Variants in RASGRP3 observed in about 807,000 individuals in gnomAD.
RASGRP3 encodes RAS guanyl releasing protein 3, also known as ras guanyl-releasing protein 3.
In RASGRP3, 54 loss-of-function variants were observed where a neutral mutation model predicts 82.7. The ratio of observed to expected loss-of-function variants is 0.65; its 90% CI spans 0.52 to 0.82. The LOEUF is 0.82. RASGRP3 is among the 40% of genes least tolerant of loss of function. RASGRP3 has a pLI of 0.00. For missense variants in RASGRP3, 861 were observed against 828.9 expected, an observed-to-expected ratio of 1.04 and a Z score of -0.48; for synonymous variants, 309 against 300.5, an observed-to-expected ratio of 1.03 and a Z score of -0.29.
intron 11 of RASGRP3, among the ~76,000 whole-genome samples, chr2:33,537,417 G>A (rs13426291): frequency 0.19 from 28,378 of 148,846 alleles, 2,937 homozygotes; most frequent in East Asian, 0.3. Flanking sequence ...CTGGAGTACC[G>A]TGGCAATCTC....
intron 14 of RASGRP3, 37 bp from the exon 15 acceptor site, chr2:33,555,494 C>G: frequency 6.4e-7 from 1 of 1,560,846 alleles, no homozygotes; most frequent in Non-Finnish European, 8.8e-7. Flanking sequence ...CAGATCTATC[C>G]TCAGATTCCC....
Position 33,555,276 on chromosome 2 carries a change from C to G in RASGRP3, c.1543-255C>G, listed in dbSNP as rs150963939. ...CGCATCAGGCCAAAGTCTGGTGCAT[C>G]AAACTTTAGTAGTTTCCCATCCCGG... On this transcript the variant is annotated intron_variant, in intron 14 of 17. Transcript: ENST00000403687. 1.7e-3 allele frequency: 553 copies of G among 332,748 alleles called. 17 individuals carry two copies. The East Asian group carries it at 0.025, about 15-fold the overall frequency. The allele number at this position is 332,748 out of a possible 1,614,324, so 20.6% of individuals were successfully genotyped here.
chr2:33,488,878 C>T (rs939069352), intron 1 of RASGRP3, among the ~76,000 whole-genome samples: 2 of 152,082 alleles, frequency 1.3e-5, no homozygotes, highest in Non-Finnish European at 2.9e-5. Context: ...CTGAAAAACT[C>T]AGTCAAATAG....
chr2:33,469,750 C>T (rs893232380), intron 2 of RASGRP3, among the ~76,000 whole-genome samples: 1 of 152,180 alleles, frequency 6.6e-6, no homozygotes, highest in African/African-American at 2.4e-5. Context: ...CATGAGCCAC[C>T]GTGCTGCTGT....
intron 2 of RASGRP3, among the ~76,000 whole-genome samples, chr2:33,458,868 A>G (rs1666190435): frequency 6.6e-6 from 1 of 152,222 alleles, no homozygotes; most frequent in Non-Finnish European, 1.5e-5. Flanking sequence ...CCATGGCCTC[A>G]GTGATCTTTA....
upstream of RASGRP3, among the ~76,000 whole-genome samples, chr2:33,472,173 C>A (rs538142258): frequency 3.4e-4 from 52 of 152,140 alleles, no homozygotes; most frequent in Non-Finnish European, 6.8e-4. Context: ...GTGTCTCATA[C>A]ATGCCAGGCA....
intron 1 of RASGRP3, among the ~76,000 whole-genome samples, chr2:33,507,164 GGT>G (rs1389018868): frequency 1.3e-5 from 2 of 152,226 alleles, no homozygotes; most frequent in Non-Finnish European, 2.9e-5. Flanking sequence ...GGGAGGCCAA[GGT>G]GGGCAGATCA....
intron 1 of RASGRP3, among the ~76,000 whole-genome samples, chr2:33,478,491 G>A (rs930097938): frequency 1.3e-5 from 2 of 152,054 alleles, no homozygotes; most frequent in Admixed American, 1.3e-4. Flanking sequence ...TTGTGTCTCC[G>A]GAATCATCGA....
chr2:33,478,084 C>A (rs1044649384), intron 1 of RASGRP3, among the ~76,000 whole-genome samples: 21 of 152,242 alleles, frequency 1.4e-4, no homozygotes, highest in African/African-American at 4.1e-4. Flanking sequence ...TTAAAAATGA[C>A]CCAGGGCACG....
chr2:33,447,131 G>T (rs1665545205), intron 1 of RASGRP3, among the ~76,000 whole-genome samples: 2 of 151,832 alleles, frequency 1.3e-5, no homozygotes, highest in Non-Finnish European at 2.9e-5. Flanking sequence ...AAAAGAGGGG[G>T]AAGCAGTGAC....
chr2:33,477,695 CAG>C lies in RASGRP3; in HGVS notation c.-261+990_-261+991del, dbSNP rs1202909218. On this transcript the variant is annotated intron_variant, in intron 1 of 17. Coordinates refer to ENST00000403687, the MANE Select transcript of RASGRP3 (RefSeq NM_001139488.2). ...TTGTCCTTCCTTGGTAGTCACCAGA[CAG>C]AATGCTTCAGAGGAAAGGCAAAAGG... is the stretch of plus-strand genomic sequence containing the variant. 4.6e-5 allele frequency among the ~76,000 whole-genome samples: 7 copies of C among 152,118 alleles called. No homozygotes were observed. The East Asian group carries it at 1.3e-3, about 29-fold the overall frequency.
At chr2:33,506,661 A>G (rs1670407516) in intron 1 of RASGRP3, among the ~76,000 whole-genome samples, 1 of 152,224 alleles carries the variant, frequency 6.6e-6, no homozygotes, top group Non-Finnish European at 1.5e-5. Flanking sequence ...ATCTAGGAAA[A>G]TCCTATTATC....
At chr2:33,498,447 T>A (rs1341682112) in intron 1 of RASGRP3, among the ~76,000 whole-genome samples, 1 of 152,148 alleles carries the variant, frequency 6.6e-6, no homozygotes, top group Non-Finnish European at 1.5e-5. Flanking sequence ...AAAGAACGAG[T>A]AAAATGTGTA....
At chr2:33,513,151 A>G (rs750561420) in intron 2 of RASGRP3, among the ~76,000 whole-genome samples, 1 of 152,240 alleles carries the variant, frequency 6.6e-6, no homozygotes, top group Non-Finnish European at 1.5e-5. Context: ...CGTTTGATCC[A>G]GCGTTTCTGC....
At chr2:33,552,867 G>C (rs2151099685) in intron 14 of RASGRP3, among the ~76,000 whole-genome samples, 1 of 152,280 alleles carries the variant, frequency 6.6e-6, no homozygotes, top group East Asian at 1.9e-4. Context: ...TCAGTCCAGT[G>C]TGCCTTACAC....
intron 10 of RASGRP3, among the ~76,000 whole-genome samples, chr2:33,529,300 C>G (rs1672869952): frequency 6.6e-6 from 1 of 151,618 alleles, no homozygotes; most frequent in Non-Finnish European, 1.5e-5. Context: ...CGAGACCATC[C>G]TGGCTAACAC....
intron 1 of RASGRP3, among the ~76,000 whole-genome samples, chr2:33,496,595 C>T (rs1443473953): frequency 6.6e-6 from 1 of 152,200 alleles, no homozygotes; most frequent in Non-Finnish European, 1.5e-5. Context: ...GTGGCTCACA[C>T]CTGTAATCCC....
intron 4 of RASGRP3, chr2:33,516,906 T>C: frequency 3.3e-6 from 1 of 299,642 alleles, no homozygotes; most frequent in Non-Finnish European, 6.1e-6. Flanking sequence ...TGGATGTTTC[T>C]AACTTGTCTT....
In RASGRP3 at chr2:33,558,426, G is replaced by A. The variant is rs1315324779; in HGVS notation, c.1705+90G>A. The A allele has an allele frequency of 3.1e-6, 5 of 1,588,022 alleles. No homozygotes were observed. In the Admixed American group the frequency reaches 6.8e-5, roughly 22 times the overall value. The stretch of plus-strand genomic sequence containing the variant: ...CATTTAGGTTCTGGGTCTAAACCCG[G>A]TCAGTCACTCTAAACGCTAAGGCCT... On this transcript the variant is annotated intron_variant, in intron 16 of 17. Coordinates refer to ENST00000403687, the MANE Select transcript of RASGRP3 (RefSeq NM_001139488.2).
Sources: gnomAD v4.1 joint callset for allele counts (sites outside exome capture counted in the v4.1 genomes callset) on GRCh38, gnomAD v4.1.1 for gene constraint, MANE v1.5 for transcripts, NCBI Gene and HGNC (gene_info 2026-07-23, HGNC 2026-07-21) for gene names.